Variants in ARL6IP6 observed in about 807,000 individuals in gnomAD.
ARL6IP6 encodes the protein ADP-ribosylation factor-like protein 6-interacting protein 6.
In ARL6IP6, 22 loss-of-function variants were observed where a neutral mutation model predicts 21.5. The observed-to-expected ratio is 1.02, with a 90% CI of 0.73 to 1.46. The LOEUF (loss-of-function observed/expected upper bound fraction) is 1.46. ARL6IP6 is among the 40% of genes most tolerant of loss of function. The pLI, the probability that ARL6IP6 is intolerant of heterozygous loss-of-function variation, is 0.00. For synonymous variants in ARL6IP6, 164 were observed against 125.3 expected, an observed-to-expected ratio of 1.31 and a Z score of -2.06; for missense variants, 388 against 299.8, an observed-to-expected ratio of 1.29 and a Z score of -2.17.
chr2:152,752,262 A>G (rs1701370224), intron 3 of ARL6IP6, among the ~76,000 whole-genome samples: 6 of 152,210 alleles, frequency 3.9e-5, no homozygotes, highest in Admixed American at 3.9e-4. Flanking sequence ...ATAAAAAGTC[A>G]TGACCTGCAA....
intron 2 of ARL6IP6, among the ~76,000 whole-genome samples, chr2:152,726,713 C>A (rs1279585464): frequency 2.0e-5 from 3 of 152,162 alleles, no homozygotes; most frequent in Non-Finnish European, 4.4e-5. Context: ...ACACCACATA[C>A]CATTTTGGTC....
intron 3 of ARL6IP6, among the ~76,000 whole-genome samples, chr2:152,746,821 C>CTTTTTT (rs61506535): frequency 0.011 from 369 of 33,038 alleles, 23 homozygotes; most frequent in African/African-American, 0.015. Context: ...TTTATCCTTT[C>CTTTTTT]TTTTTTTTTT....
Position 152,720,585 on chromosome 2 carries a change from A to G in ARL6IP6, c.453A>G (p.Leu151=). 4 of 1,613,142 alleles carry G rather than the reference A, an allele frequency of 2.5e-6. No homozygotes were observed. Among genetic ancestry groups the G allele is most frequent in the Non-Finnish European group, 3.4e-6 (4 of 1,179,402 alleles). The change falls in exon 2 of 4, where the codon TTA becomes TTG. Residue 151 remains leucine (L), a splice_region_variant and synonymous_variant. Transcript: ENST00000326446. ...KNEDDVDTGL[L]GFWTLLIISL... Reference sequence around the variant, plus strand: ...AAGATGATGTAGACACTGGACTATTAGGTATGGACTTAATTGCCGCTTGCT... The same window carrying G: ...AAGATGATGTAGACACTGGACTATTGGGTATGGACTTAATTGCCGCTTGCT...
intron 2 of ARL6IP6, among the ~76,000 whole-genome samples, chr2:152,722,834 G>A (rs1362307951): frequency 2.0e-5 from 3 of 152,162 alleles, no homozygotes; most frequent in Admixed American, 6.5e-5. Flanking sequence ...CTTGAACCGG[G>A]GAGGTGGAGG....
At chr2:152,728,359 C>T (rs1352184846) in intron 2 of ARL6IP6, among the ~76,000 whole-genome samples, 1 of 152,068 alleles carries the variant, frequency 6.6e-6, no homozygotes, top group African/African-American at 2.4e-5. Context: ...GAAACCTTTC[C>T]CTAGTATAGG....
chr2:152,747,215 A>G (rs16831736), intron 3 of ARL6IP6, among the ~76,000 whole-genome samples: 8,530 of 152,254 alleles, frequency 0.056, 331 homozygotes, highest in East Asian at 0.13. Flanking sequence ...AAGATTGAGA[A>G]TTAGATTTTC....
intron 2 of ARL6IP6, among the ~76,000 whole-genome samples, chr2:152,725,490 A>G (rs1380489161): frequency 2.0e-5 from 3 of 152,224 alleles, no homozygotes; most frequent in African/African-American, 7.2e-5. Flanking sequence ...AAAAAATGCA[A>G]AAAAGAATTA....
chr2:152,745,846 A>G (rs1701016209), intron 3 of ARL6IP6, among the ~76,000 whole-genome samples: 1 of 152,098 alleles, frequency 6.6e-6, no homozygotes, highest in South Asian at 2.1e-4. Context: ...CTTGAAGTAA[A>G]GGGTTAAAGT....
chr2:152,726,228 G>A (rs1047671922), intron 2 of ARL6IP6, among the ~76,000 whole-genome samples: 2 of 152,024 alleles, frequency 1.3e-5, no homozygotes, highest in African/African-American at 4.8e-5. Flanking sequence ...TGAAATTTCA[G>A]TCACTTAATC....
chr2:152,718,487 C>T (rs921673181), upstream of ARL6IP6: 16 of 1,264,838 alleles, frequency 1.3e-5, no homozygotes, highest in Non-Finnish European at 1.7e-5. Flanking sequence ...ACCCGCCGCC[C>T]ACCCTTGCTC....
chr2:152,718,217 G>C, upstream of ARL6IP6: 8 of 412,562 alleles, frequency 1.9e-5, no homozygotes, highest in Non-Finnish European at 2.7e-5. Flanking sequence ...GTCTCCGAGG[G>C]CGCGAGCGGG....
Position 152,757,468 on chromosome 2 carries a change from C to T in ARL6IP6, c.588-2279C>T, listed in dbSNP as rs184449933. The stretch of plus-strand genomic sequence containing the variant: ...ATTATCATTTATTGAAGATATTAAA[C>T]TCATTAATTGAAGATAATATTTTCA... On this transcript the variant is annotated intron_variant, in intron 3 of 3. Transcript: ENST00000326446. Among the ~76,000 whole-genome samples, 157 of 152,214 alleles carry T rather than the reference C, an allele frequency of 1.0e-3. 1 individual carries two copies. The highest frequency in any genetic ancestry group is 3.7e-3 in the African/African-American group (153 of 41,534).
chr2:152,747,175 C>T (rs1701096980), intron 3 of ARL6IP6, among the ~76,000 whole-genome samples: 1 of 152,040 alleles, frequency 6.6e-6, no homozygotes, highest in Non-Finnish European at 1.5e-5. Context: ...AATAAGAACA[C>T]TAATGAAAGG....
Position 152,723,512 on chromosome 2 carries a change from T to G in ARL6IP6, c.454+2926T>G, listed in dbSNP as rs76809018. On this transcript the variant is annotated intron_variant, in intron 2 of 3. Transcript: ENST00000326446. ...ACTGCAAATTTCCTCATTCTTTGTTTGAAAGTAGGTTGGTTTTTAGAAAAA... is the reference window on the plus strand; with the variant it reads ...ACTGCAAATTTCCTCATTCTTTGTTGGAAAGTAGGTTGGTTTTTAGAAAAA... 6.3e-3 allele frequency among the ~76,000 whole-genome samples: 963 copies of G among 152,302 alleles called. 13 individuals are homozygous for G. Among genetic ancestry groups the G allele is most frequent in the African/African-American group, 0.021 (891 of 41,560 alleles).
rs1701875282 is a variant in ARL6IP6, at chr2:152,762,240, T to C, written c.*2400T>C. Among the ~76,000 whole-genome samples, 1 of 152,158 alleles carries C rather than the reference T, an allele frequency of 6.6e-6. No homozygotes were observed. Among genetic ancestry groups the C allele is most frequent in the Non-Finnish European group, 1.5e-5 (1 of 68,030 alleles). ...GCTGGGAAAATGCAAGCCCAGGAAA[T>C]GCTGGCAGCTGTAGTTCAGCCAGGC... On this transcript the variant is annotated 3_prime_UTR_variant, in exon 4 of 4. Transcript: ENST00000326446.
intron 3 of ARL6IP6, among the ~76,000 whole-genome samples, chr2:152,749,129 A>T (rs144923324): frequency 6.6e-6 from 1 of 152,128 alleles, no homozygotes; most frequent in Non-Finnish European, 1.5e-5. Context: ...AATAATTATA[A>T]TTCTTTTATA....
chr2:152,737,392 TA>T (rs957083911), intron 3 of ARL6IP6, among the ~76,000 whole-genome samples: 2 of 152,020 alleles, frequency 1.3e-5, no homozygotes, highest in African/African-American at 4.8e-5. Context: ...TAACTAATTT[TA>T]AAAAAAATTA....
chr2:152,758,754 G>A (rs2105197681), intron 3 of ARL6IP6, among the ~76,000 whole-genome samples: 1 of 152,260 alleles, frequency 6.6e-6, no homozygotes, highest in Admixed American at 6.5e-5. Flanking sequence ...CACAGATATT[G>A]TGCGACTGGA....
Position 152,738,905 on chromosome 2 carries a change from C to T in ARL6IP6, c.587+3779C>T, listed in dbSNP as rs546424148. Among the ~76,000 whole-genome samples, 3 of 152,068 alleles carry T rather than the reference C, an allele frequency of 2.0e-5. No homozygotes were observed. In the East Asian group the frequency reaches 5.8e-4, roughly 29 times the overall value. On this transcript the variant is annotated intron_variant, in intron 3 of 3. Coordinates refer to ENST00000326446, the MANE Select transcript of ARL6IP6 (RefSeq NM_152522.7). Reference sequence around the variant, plus strand: ...GTCACATAGTCAGGCTGCAAATTTTCTGAGCTTTTATGCTTTTCTTCCCTT... The same window carrying T: ...GTCACATAGTCAGGCTGCAAATTTTTTGAGCTTTTATGCTTTTCTTCCCTT...
Sources: allele counts gnomAD v4.1 joint callset (sites outside exome capture counted in the v4.1 genomes callset), GRCh38; gene constraint gnomAD v4.1.1; transcripts MANE v1.5; gene names NCBI Gene and HGNC (gene_info 2026-07-23, HGNC 2026-07-21).